Variants in CTNND2 observed in about 807,000 individuals in gnomAD.
CTNND2 encodes catenin delta 2.
In CTNND2, 22 loss-of-function variants were observed where a neutral mutation model predicts 144.4. The ratio of observed to expected loss-of-function variants is 0.15; its 90% CI spans 0.11 to 0.22. CTNND2 has a LOEUF of 0.22. Ranked by LOEUF, CTNND2 falls within the 10% of genes least tolerant of loss-of-function variation. The probability of loss-of-function intolerance (pLI) is 1.00; values close to 1 mark genes in which losing one functional copy is unlikely to be tolerated. For missense variants in CTNND2, 1,353 were observed against 1,618.8 expected, an observed-to-expected ratio of 0.84 and a Z score of 2.82; for synonymous variants, 751 against 695.6, an observed-to-expected ratio of 1.08 and a Z score of -1.25.
At chr5:11,220,028 C>T (rs1181549392) in intron 10 of CTNND2, among the ~76,000 whole-genome samples, 2 of 152,136 alleles carry the variant, frequency 1.3e-5, no homozygotes, top group East Asian at 1.9e-4. Flanking sequence ...TGAAGGGAAG[C>T]GTTCTGCTCA....
chr5:11,778,283 A>G (rs1790361016), intron 1 of CTNND2, among the ~76,000 whole-genome samples: 1 of 152,088 alleles, frequency 6.6e-6, no homozygotes, highest in Admixed American at 6.5e-5. Context: ...AGTCACAGTC[A>G]TCAAAGACAG....
At chr5:10,989,982 A>G (rs1229319888) in intron 19 of CTNND2, among the ~76,000 whole-genome samples, 1 of 152,124 alleles carries the variant, frequency 6.6e-6, no homozygotes, top group Admixed American at 6.5e-5. Flanking sequence ...GAATCCTTTA[A>G]AAAAAATACT....
chr5:11,586,454 A>T (rs1322776091), intron 2 of CTNND2, among the ~76,000 whole-genome samples: 1 of 152,216 alleles, frequency 6.6e-6, no homozygotes, highest in Non-Finnish European at 1.5e-5. Flanking sequence ...AAAATATAAG[A>T]CTTCTAAAAT....
chr5:11,110,204 C>T (rs1752820345), intron 14 of CTNND2, among the ~76,000 whole-genome samples: 1 of 152,142 alleles, frequency 6.6e-6, no homozygotes, highest in East Asian at 1.9e-4. Flanking sequence ...TGCTGCCTAG[C>T]GGCCTTCGTT....
intron 3 of CTNND2, among the ~76,000 whole-genome samples, chr5:11,564,517 C>A (rs776153322): frequency 2.0e-4 from 31 of 152,020 alleles, no homozygotes; most frequent in Non-Finnish European, 4.6e-4. Context: ...CTTCAAGGGG[C>A]AATTTCATAA....
intron 16 of CTNND2, among the ~76,000 whole-genome samples, chr5:11,027,039 C>T (rs1041041727): frequency 4.6e-5 from 7 of 152,146 alleles, no homozygotes; most frequent in Admixed American, 4.6e-4. Flanking sequence ...ATGAGAGAAT[C>T]ACGTACCAAA....
intron 1 of CTNND2, among the ~76,000 whole-genome samples, chr5:11,781,163 T>C (rs1790522457): frequency 2.0e-5 from 3 of 152,168 alleles, no homozygotes; most frequent in Non-Finnish European, 2.9e-5. Flanking sequence ...TTGGCAAATA[T>C]TATCTCACCC....
intron 14 of CTNND2, among the ~76,000 whole-genome samples, chr5:11,104,241 C>A (rs908686638): frequency 6.6e-6 from 1 of 152,120 alleles, no homozygotes; most frequent in Non-Finnish European, 1.5e-5. Flanking sequence ...AGAGATGCTG[C>A]AAGATAAAGG....
chr5:11,614,674 T>A (rs192919017), intron 2 of CTNND2, among the ~76,000 whole-genome samples: 14 of 152,278 alleles, frequency 9.2e-5, no homozygotes, highest in Admixed American at 7.8e-4. Context: ...GTGGGTATAG[T>A]CACATGACGG....
rs541225409 is a variant in CTNND2 at position 11,420,123 on chromosome 5, A to G, written c.288-8054T>C. On this transcript the variant is annotated intron_variant, in intron 3 of 21. Coordinates refer to ENST00000304623, the MANE Select transcript of CTNND2 (RefSeq NM_001332.4). Reference sequence around the variant, plus strand: ...GCGATCACAAGATCAGGAGTTTGAGATCAGCCTGGCCAACACAGTGAAACC... The same window carrying G: ...GCGATCACAAGATCAGGAGTTTGAGGTCAGCCTGGCCAACACAGTGAAACC... Among the ~76,000 whole-genome samples the G allele has an allele frequency of 1.6e-3, 249 of 152,264 alleles. 1 individual carries two copies. Among genetic ancestry groups the G allele is most frequent in the African/African-American group, 5.6e-3 (232 of 41,552 alleles).
At chr5:11,007,373 G>A (rs75480568) in intron 18 of CTNND2, among the ~76,000 whole-genome samples, 13 of 137,846 alleles carry the variant, frequency 9.4e-5, no homozygotes, top group East Asian at 2.8e-4. Context: ...GAGCACTGGC[G>A]GTGAGGACGG....
intron 9 of CTNND2, among the ~76,000 whole-genome samples, chr5:11,332,066 G>A (rs914265438): frequency 6.6e-6 from 1 of 151,782 alleles, no homozygotes. Flanking sequence ...ACCTGAGGTC[G>A]GGAGTTCGAG....
intron 9 of CTNND2, among the ~76,000 whole-genome samples, chr5:11,238,981 C>A (rs1195333578): frequency 6.6e-6 from 1 of 152,150 alleles, no homozygotes; most frequent in Non-Finnish European, 1.5e-5. Context: ...TAGCACAGTC[C>A]TTCTTATAAA....
At chr5:11,340,353 C>T (rs1754121599) in intron 9 of CTNND2, among the ~76,000 whole-genome samples, 1 of 152,176 alleles carries the variant, frequency 6.6e-6, no homozygotes. Flanking sequence ...AGATCTGCAG[C>T]ACCCACTCTG....
At chr5:11,028,958 C>T (rs1743162367) in intron 16 of CTNND2, among the ~76,000 whole-genome samples, 2 of 152,224 alleles carry the variant, frequency 1.3e-5, no homozygotes, top group Admixed American at 1.3e-4. Context: ...ATCTGCCCAC[C>T]TTGGCCTTCC....
intron 2 of CTNND2, among the ~76,000 whole-genome samples, chr5:11,630,294 T>C (rs1348895238): frequency 6.6e-6 from 1 of 152,180 alleles, no homozygotes. Flanking sequence ...TGCAGGAGGA[T>C]GTCTCTAATA....
chr5:11,849,178 C>A (rs1794896815), intron 1 of CTNND2, among the ~76,000 whole-genome samples: 1 of 152,046 alleles, frequency 6.6e-6, no homozygotes, highest in South Asian at 2.1e-4. Context: ...ACGCAGCAGG[C>A]AAGAGAGAGA....
In CTNND2 at chr5:11,288,350, C is replaced by T. The variant is rs565699314; in HGVS notation, c.1629-51527G>A. On this transcript the variant is annotated intron_variant, in intron 9 of 21. Coordinates refer to ENST00000304623, the MANE Select transcript of CTNND2 (RefSeq NM_001332.4). Reference sequence around the variant, plus strand: ...TTCAAGTATTTTTTTTTTTTAAATACGACTTGGGAAAAACAACTGCTAACT... The same window carrying T: ...TTCAAGTATTTTTTTTTTTTAAATATGACTTGGGAAAAACAACTGCTAACT... Among the ~76,000 whole-genome samples the T allele has an allele frequency of 6.8e-4, 102 of 150,634 alleles. 1 individual carries two copies. The highest frequency in any genetic ancestry group is 3.4e-3 in the Middle Eastern group (1 of 292).
chr5:11,394,653 T>C (rs1462539625), intron 6 of CTNND2, among the ~76,000 whole-genome samples: 1 of 152,212 alleles, frequency 6.6e-6, no homozygotes, highest in Non-Finnish European at 1.5e-5. Flanking sequence ...AAATATTTTA[T>C]GGCAATTTGG....
Sources: gnomAD v4.1 joint callset for allele counts (sites outside exome capture counted in the v4.1 genomes callset) on GRCh38, gnomAD v4.1.1 for gene constraint, MANE v1.5 for transcripts, NCBI Gene and HGNC (gene_info 2026-07-23, HGNC 2026-07-21) for gene names.